GRIK2: variants seen among roughly 807,000 people sequenced by gnomAD.
GRIK2 encodes the protein glutamate ionotropic receptor kainate type subunit 2.
In GRIK2, 32 loss-of-function variants were observed where a neutral mutation model predicts 100.3. The ratio of observed to expected loss-of-function variants is 0.32; its 90% CI spans 0.24 to 0.43. The LOEUF (loss-of-function observed/expected upper bound fraction) is 0.43. GRIK2 is among the 20% of genes least tolerant of loss of function. The pLI is 1.00. For synonymous variants in GRIK2, 417 were observed against 389.4 expected, an observed-to-expected ratio of 1.07 and a Z score of -0.83; for missense variants, 843 against 1,114.9, an observed-to-expected ratio of 0.76 and a Z score of 3.47.
At chr6:101,417,232 T>G (rs545403539) in intron 2 of GRIK2, among the ~76,000 whole-genome samples, 1 of 152,276 alleles carries the variant, frequency 6.6e-6, no homozygotes, top group South Asian at 2.1e-4. Context: ...CCACCATGAT[T>G]CAATCACCTC....
At chr6:101,882,047 G>A (rs1786286893) in intron 11 of GRIK2, among the ~76,000 whole-genome samples, 1 of 152,028 alleles carries the variant, frequency 6.6e-6, no homozygotes, top group Non-Finnish European at 1.5e-5. Flanking sequence ...GAGAGAATGA[G>A]AGCCAAGTGA....
At chr6:102,029,226 T>C (rs1340675765) in intron 14 of GRIK2, among the ~76,000 whole-genome samples, 1 of 151,148 alleles carries the variant, frequency 6.6e-6, no homozygotes, top group Non-Finnish European at 1.5e-5. Flanking sequence ...TGTTTGATTT[T>C]AATCAGGTCC....
At chr6:101,705,830 C>A (rs1006830042) in intron 7 of GRIK2, among the ~76,000 whole-genome samples, 1 of 151,812 alleles carries the variant, frequency 6.6e-6, no homozygotes, top group Non-Finnish European at 1.5e-5. Flanking sequence ...ACATACAGTT[C>A]TTTAAACTGC....
Position 101,602,001 on chromosome 6 carries a change from A to G in GRIK2, c.116-19948A>G, listed in dbSNP as rs547496207. On this transcript the variant is annotated intron_variant, in intron 2 of 16. Coordinates refer to ENST00000369134, the MANE Select transcript of GRIK2 (RefSeq NM_021956.5). ...TAGTTCTTGTTTTTCTATTATCCCT[A>G]GGAGTGATGTTAAATTGTTTATTTG... is the stretch of plus-strand genomic sequence containing the variant. Among the ~76,000 whole-genome samples, 5 of 151,774 alleles carry G rather than the reference A, an allele frequency of 3.3e-5. No homozygotes were observed. In the East Asian group the frequency reaches 7.8e-4, roughly 24 times the overall value.
intron 2 of GRIK2, among the ~76,000 whole-genome samples, chr6:101,547,632 C>T (rs1776309713): frequency 6.6e-6 from 1 of 152,154 alleles, no homozygotes; most frequent in Non-Finnish European, 1.5e-5. Context: ...ATCTATGTCC[C>T]TACAAAGGAC....
intron 7 of GRIK2, among the ~76,000 whole-genome samples, chr6:101,702,723 G>C (rs1279624003): frequency 2.6e-5 from 4 of 151,816 alleles, no homozygotes; most frequent in Admixed American, 2.6e-4. Context: ...GTGTGGGGAA[G>C]GCCCTTTAGC....
chr6:101,936,128 C>A (rs886096725), intron 14 of GRIK2, among the ~76,000 whole-genome samples: 2 of 151,652 alleles, frequency 1.3e-5, no homozygotes, highest in Non-Finnish European at 2.9e-5. Context: ...TGGTTGATCA[C>A]CAATGTATCT....
chr6:101,605,416 CT>C (rs1428006108), intron 2 of GRIK2, among the ~76,000 whole-genome samples: 1 of 151,686 alleles, frequency 6.6e-6, no homozygotes, highest in African/African-American at 2.4e-5. Context: ...TTTTTCTTTC[CT>C]TTTTTTCTTC....
intron 2 of GRIK2, among the ~76,000 whole-genome samples, chr6:101,616,657 T>C (rs1315785138): frequency 1.3e-5 from 2 of 151,804 alleles, no homozygotes; most frequent in Middle Eastern, 3.4e-3. Flanking sequence ...TAAGTTTCCA[T>C]CCTGTAAGTA....
Position 101,959,907 on chromosome 6 carries a change from T to C in GRIK2, c.2085+31275T>C, listed in dbSNP as rs1792176409. On this transcript the variant is annotated intron_variant, in intron 14 of 16. Coordinates refer to ENST00000369134, the MANE Select transcript of GRIK2 (RefSeq NM_021956.5). ...TGTTGTATTTGGATACCTAATTCCC[T>C]GGCCAGACCAGGGACATTTTCCTGG... Among the ~76,000 whole-genome samples the C allele has an allele frequency of 2.6e-5, 4 of 152,140 alleles. No homozygotes were observed. The South Asian group carries it at 8.3e-4, about 31-fold the overall frequency.
chr6:101,847,255 T>C (rs1031639528), intron 10 of GRIK2, among the ~76,000 whole-genome samples: 7 of 152,144 alleles, frequency 4.6e-5, no homozygotes, highest in African/African-American at 1.7e-4. Flanking sequence ...CTGCAACTCA[T>C]TGGTTTCTCT....
intron 12 of GRIK2, among the ~76,000 whole-genome samples, chr6:101,918,730 A>G (rs1789282836): frequency 6.6e-6 from 1 of 151,720 alleles, no homozygotes; most frequent in Non-Finnish European, 1.5e-5. Flanking sequence ...CAAAACTTGT[A>G]GTCATTCTAT....
chr6:101,773,849 T>A (rs1778563242), intron 7 of GRIK2, among the ~76,000 whole-genome samples: 1 of 152,156 alleles, frequency 6.6e-6, no homozygotes, highest in African/African-American at 2.4e-5. Flanking sequence ...AAACTCTAAA[T>A]CTCATATTCT....
intron 12 of GRIK2, among the ~76,000 whole-genome samples, chr6:101,905,899 C>T (rs1249892127): frequency 6.6e-6 from 1 of 151,184 alleles, no homozygotes. Flanking sequence ...TGGAATAGTA[C>T]TACATGGGGA....
intron 15 of GRIK2, among the ~76,000 whole-genome samples, chr6:102,046,678 G>T (rs768148677): frequency 6.6e-6 from 1 of 152,080 alleles, no homozygotes; most frequent in Non-Finnish European, 1.5e-5. Flanking sequence ...ATAGCAGTGT[G>T]CAAATGGACT....
chr6:101,866,834 A>T (rs934679229), intron 11 of GRIK2, among the ~76,000 whole-genome samples: 4 of 150,922 alleles, frequency 2.7e-5, no homozygotes, highest in Non-Finnish European at 5.9e-5. Flanking sequence ...ATAGTAATTT[A>T]TTATATTTTC....
At chr6:101,922,504 A>T (rs973707536) in intron 12 of GRIK2, among the ~76,000 whole-genome samples, 1 of 152,226 alleles carries the variant, frequency 6.6e-6, no homozygotes, top group African/African-American at 2.4e-5. Context: ...TGTTTTAATT[A>T]TCAAGAAATT....
chr6:101,995,062 T>G (rs1235724750), intron 14 of GRIK2, among the ~76,000 whole-genome samples: 1 of 151,954 alleles, frequency 6.6e-6, no homozygotes, highest in Admixed American at 6.6e-5. Context: ...ACTACTAAAT[T>G]GTCTATGAAT....
chr6:101,940,071 G>GAA (rs150004005), intron 14 of GRIK2, among the ~76,000 whole-genome samples: 1 of 151,706 alleles, frequency 6.6e-6, no homozygotes, highest in African/African-American at 2.4e-5. Flanking sequence ...ATGTTTGTGA[G>GAA]AAAAAAAATA....
Sources: gnomAD v4.1 joint callset for allele counts (sites outside exome capture counted in the v4.1 genomes callset) on GRCh38, gnomAD v4.1.1 for gene constraint, MANE v1.5 for transcripts, NCBI Gene and HGNC (gene_info 2026-07-23, HGNC 2026-07-21) for gene names.